The following PPARGC1A variants were observed in gnomAD, a reference collection of about 807,000 sequenced individuals.
PPARGC1A encodes peroxisome proliferator-activated receptor gamma coactivator 1-alpha.
PPARGC1A carries 25 observed loss-of-function variants against 88.7 expected under a neutral mutation model. The ratio of observed to expected loss-of-function variants is 0.28; its 90% CI spans 0.21 to 0.39. The LOEUF (loss-of-function observed/expected upper bound fraction) is 0.39. PPARGC1A is among the 10% of genes least tolerant of loss of function. The pLI, the probability that PPARGC1A is intolerant of heterozygous loss-of-function variation, is 1.00. For synonymous variants in PPARGC1A, 363 were observed against 355.6 expected (o/e 1.02, Z -0.24); for missense variants, 880 against 968.7 (o/e 0.91, Z 1.22).
chr4:24,122,382 CGT>C, the PPARGC1A span, among the ~76,000 whole-genome samples: 1 of 69,944 alleles, frequency 1.4e-5, no homozygotes, highest in Non-Finnish European at 3.2e-5. Context: ...TGTGTGTATG[CGT>C]ATGTGTGTGT....
the PPARGC1A span, among the ~76,000 whole-genome samples, chr4:24,465,148 G>A: frequency 4.9e-4 from 75 of 152,158 alleles, 1 homozygote; most frequent in East Asian, 3.3e-3. Context: ...TTACAGGTGC[G>A]AAAAACCGTG....
intron 2 of PPARGC1A, among the ~76,000 whole-genome samples, chr4:23,844,726 ATAATATATGATATATC>A: frequency 1.0e-5 from 1 of 95,718 alleles, no homozygotes; most frequent in African/African-American, 4.5e-5. Flanking sequence ...ATATATTATT[ATAATATATGATATATC>A]ATAATATATG....
the PPARGC1A span, among the ~76,000 whole-genome samples, chr4:24,311,496 C>G: frequency 6.6e-6 from 1 of 151,322 alleles, no homozygotes; most frequent in South Asian, 2.1e-4. Context: ...AAAAATTAGC[C>G]GGGCGCAGTG....
At chr4:24,396,400 T>C in the PPARGC1A span, among the ~76,000 whole-genome samples, 1 of 152,188 alleles carries the variant, frequency 6.6e-6, no homozygotes, top group African/African-American at 2.4e-5. Context: ...AGAAGGTCTC[T>C]AAGAGTTGTT....
At chr4:24,287,913 T>C in the PPARGC1A span, among the ~76,000 whole-genome samples, 1 of 152,102 alleles carries the variant, frequency 6.6e-6, no homozygotes, top group African/African-American at 2.4e-5. Flanking sequence ...GCCTTAAACG[T>C]TGACTGTGAG....
At chr4:24,329,125 C>A in the PPARGC1A span, among the ~76,000 whole-genome samples, 1 of 147,062 alleles carries the variant, frequency 6.8e-6, no homozygotes, top group Admixed American at 7.1e-5. Flanking sequence ...GAGTGGGCAG[C>A]TTTTGTCCAG....
the PPARGC1A span, among the ~76,000 whole-genome samples, chr4:24,016,531 G>A: frequency 6.6e-6 from 1 of 152,112 alleles, no homozygotes; most frequent in Non-Finnish European, 1.5e-5. Context: ...CAGAAGGAGT[G>A]CCACAGCCAG....
the PPARGC1A span, among the ~76,000 whole-genome samples, chr4:24,261,082 G>A: frequency 6.6e-6 from 1 of 152,090 alleles, no homozygotes; most frequent in South Asian, 2.1e-4. Flanking sequence ...CTGTTTTCAT[G>A]AAGATCACAG....
chr4:23,829,929 G>A (rs998096747), intron 3 of PPARGC1A, among the ~76,000 whole-genome samples: 52 of 152,244 alleles, frequency 3.4e-4, no homozygotes, highest in African/African-American at 1.2e-3. Flanking sequence ...AGCCATAAGG[G>A]ATTACTGCAT....
the PPARGC1A span, among the ~76,000 whole-genome samples, chr4:24,104,713 A>G: frequency 0.026 from 3,926 of 152,284 alleles, 159 homozygotes; most frequent in African/African-American, 0.089. Flanking sequence ...CTGTTTGTAT[A>G]CCTGTGACGA....
chr4:23,948,775 C>T, the PPARGC1A span, among the ~76,000 whole-genome samples: 1 of 152,146 alleles, frequency 6.6e-6, no homozygotes, highest in African/African-American at 2.4e-5. Context: ...ACTCTGTTTT[C>T]ATTTCAATTT....
chr4:24,008,311 C>T, the PPARGC1A span, among the ~76,000 whole-genome samples: 1 of 152,124 alleles, frequency 6.6e-6, no homozygotes, highest in Non-Finnish European at 1.5e-5. Context: ...AAAAAGAGCT[C>T]TTTATTTAAA....
intron 10 of PPARGC1A, among the ~76,000 whole-genome samples, chr4:23,806,646 G>T (rs977205932): frequency 6.6e-6 from 1 of 152,142 alleles, no homozygotes; most frequent in African/African-American, 2.4e-5. Context: ...TAATAAAATT[G>T]AAGACTTACA....
the PPARGC1A span, among the ~76,000 whole-genome samples, chr4:24,085,670 C>T: frequency 6.6e-6 from 1 of 152,184 alleles, no homozygotes; most frequent in Admixed American, 6.5e-5. Flanking sequence ...GTTCTGAGTA[C>T]AGAATACCCA....
At chr4:24,012,014 C>T in the PPARGC1A span, among the ~76,000 whole-genome samples, 2 of 152,244 alleles carry the variant, frequency 1.3e-5, no homozygotes, top group African/African-American at 4.8e-5. Flanking sequence ...TAATCTCTTG[C>T]TACCTAAAAT....
the PPARGC1A span, among the ~76,000 whole-genome samples, chr4:24,352,394 G>A: frequency 6.6e-6 from 1 of 152,204 alleles, no homozygotes; most frequent in Non-Finnish European, 1.5e-5. Context: ...TGCCAGAAAA[G>A]AAGGTTCTAG....
chr4:24,369,689 G>T, the PPARGC1A span, among the ~76,000 whole-genome samples: 1 of 152,156 alleles, frequency 6.6e-6, no homozygotes, highest in Non-Finnish European at 1.5e-5. Context: ...ACCCTGCAAA[G>T]CTGTAGCTAT....
At chr4:24,124,799 T>A in the PPARGC1A span, among the ~76,000 whole-genome samples, 1 of 152,190 alleles carries the variant, frequency 6.6e-6, no homozygotes, top group Non-Finnish European at 1.5e-5. Flanking sequence ...CAATCTATGA[T>A]GGGAGATGCT....
At chr4:23,862,907 G>A (rs994068950) in intron 2 of PPARGC1A, among the ~76,000 whole-genome samples, 1 of 152,106 alleles carries the variant, frequency 6.6e-6, no homozygotes, top group Non-Finnish European at 1.5e-5. Flanking sequence ...CTCCATCGTC[G>A]CATATTGTTC....
Sources: allele counts gnomAD v4.1 joint callset (sites outside exome capture counted in the v4.1 genomes callset), GRCh38; gene constraint gnomAD v4.1.1; transcripts MANE v1.5; gene names NCBI Gene and HGNC (gene_info 2026-07-23, HGNC 2026-07-21).